PARVA: variants seen among roughly 807,000 people sequenced by gnomAD.
PARVA encodes the protein alpha-parvin.
PARVA carries 25 observed loss-of-function variants against 52.6 expected under a neutral mutation model. The ratio of observed to expected loss-of-function variants is 0.48; its 90% CI spans 0.35 to 0.66. The LOEUF (loss-of-function observed/expected upper bound fraction) is 0.66. Among genes scored for constraint, PARVA ranks in the 30% least tolerant of loss-of-function variants. The probability of loss-of-function intolerance (pLI) is 0.01; values close to 1 mark genes in which losing one functional copy is unlikely to be tolerated. For synonymous variants in PARVA, 185 were observed against 179.1 expected, an observed-to-expected ratio of 1.03 and a Z score of -0.26; for missense variants, 373 against 450.9, an observed-to-expected ratio of 0.83 and a Z score of 1.56.
chr11:12,428,937 A>AT (rs1297478484), intron 1 of PARVA, among the ~76,000 whole-genome samples: 2 of 152,210 alleles, frequency 1.3e-5, no homozygotes, highest in Non-Finnish European at 2.9e-5. Flanking sequence ...TGGTAAAAGC[A>AT]TGATGTGTAT....
At chr11:12,387,554 C>CGT (rs10642760) in intron 1 of PARVA, among the ~76,000 whole-genome samples, 115,473 of 149,148 alleles carry the variant, frequency 0.77, 46,538 homozygotes, top group East Asian at 0.91. Flanking sequence ...TATTTTTGAG[C>CGT]GTGTGTGTGT....
chr11:12,471,107 G>A (rs1940927090), intron 1 of PARVA, among the ~76,000 whole-genome samples: 2 of 152,194 alleles, frequency 1.3e-5, no homozygotes, highest in South Asian at 4.1e-4. Flanking sequence ...CGTGAACCAT[G>A]GTGTAAACAG....
At chr11:12,436,574 G>A (rs1940391555) in intron 1 of PARVA, among the ~76,000 whole-genome samples, 1 of 152,124 alleles carries the variant, frequency 6.6e-6, no homozygotes, top group Non-Finnish European at 1.5e-5. Flanking sequence ...AAAGTTAGGG[G>A]AACTAAAATT....
intron 10 of PARVA, among the ~76,000 whole-genome samples, chr11:12,515,074 C>T (rs1477564242): frequency 3.3e-5 from 5 of 152,220 alleles, no homozygotes; most frequent in African/African-American, 1.2e-4. Context: ...CCCGGGGCAT[C>T]CCAGGAGGAG....
intron 1 of PARVA, among the ~76,000 whole-genome samples, chr11:12,458,839 C>A (rs748735602): frequency 6.6e-6 from 1 of 152,168 alleles, no homozygotes; most frequent in Non-Finnish European, 1.5e-5. Context: ...GTGGGAAAGT[C>A]GCCTTGAGAC....
intron 1 of PARVA, among the ~76,000 whole-genome samples, chr11:12,469,007 C>G (rs1940894064): frequency 1.3e-5 from 2 of 152,128 alleles, no homozygotes; most frequent in Admixed American, 1.3e-4. Flanking sequence ...GCGGCTTTAC[C>G]TGGAGGCATA....
intron 6 of PARVA, among the ~76,000 whole-genome samples, chr11:12,508,236 G>A (rs1233471546): frequency 2.0e-5 from 3 of 152,024 alleles, no homozygotes; most frequent in Non-Finnish European, 4.4e-5. Context: ...CCAGCTGGAG[G>A]GCAGACACAC....
intron 9 of PARVA, 146 bp from the exon 10 acceptor site, chr11:12,513,851 A>G (rs923937463): frequency 1.0e-5 from 7 of 685,322 alleles, no homozygotes; most frequent in African/African-American, 5.4e-5. Flanking sequence ...GCCTTTGCAG[A>G]GAGAGCTCCT....
Position 12,531,465 on chromosome 11 carries a change from CA to C in PARVA, c.*3543del. ...TCTGAGACATGTATACATTGTGGTT[CA>C]AATAGGAATCATCCATAGTCCAGTG... On this transcript the variant is annotated 3_prime_UTR_variant, in exon 13 of 13. Coordinates refer to ENST00000334956, the MANE Select transcript of PARVA (RefSeq NM_018222.5). 6.6e-6 allele frequency among the ~76,000 whole-genome samples: 1 copy of C among 152,122 alleles called. No homozygotes were observed. Among genetic ancestry groups the C allele is most frequent in the South Asian group, 2.1e-4 (1 of 4,816 alleles).
intron 1 of PARVA, among the ~76,000 whole-genome samples, chr11:12,438,376 C>G (rs1032294533): frequency 6.6e-6 from 1 of 151,950 alleles, no homozygotes; most frequent in Non-Finnish European, 1.5e-5. Context: ...GTTACTTTAT[C>G]CTATGATGAG....
intron 1 of PARVA, among the ~76,000 whole-genome samples, chr11:12,426,821 G>C (rs1402288729): frequency 6.6e-6 from 1 of 152,212 alleles, no homozygotes; most frequent in Non-Finnish European, 1.5e-5. Flanking sequence ...ATAGGAGCAG[G>C]CGAAATTAGG....
At chr11:12,378,969 A>G (rs1939445787) in intron 1 of PARVA, among the ~76,000 whole-genome samples, 1 of 152,236 alleles carries the variant, frequency 6.6e-6, no homozygotes, top group South Asian at 2.1e-4. Flanking sequence ...TGGCCACTCC[A>G]TAGACAGAGC....
chr11:12,405,240 A>AT (rs1286763977), intron 1 of PARVA, among the ~76,000 whole-genome samples: 1 of 152,184 alleles, frequency 6.6e-6, no homozygotes, highest in Non-Finnish European at 1.5e-5. Context: ...TTGATGTGAG[A>AT]TGGTAAAGAA....
intron 11 of PARVA, 50 bp from the exon 12 acceptor site, chr11:12,518,394 TG>T: frequency 7.1e-7 from 1 of 1,402,970 alleles, no homozygotes; most frequent in Non-Finnish European, 1.0e-6. Flanking sequence ...GGCCAGGTCC[TG>T]GGGCTCCTGG....
At chr11:12,399,372 A>T (rs867487221) in intron 1 of PARVA, among the ~76,000 whole-genome samples, 1 of 152,302 alleles carries the variant, frequency 6.6e-6, no homozygotes, top group Middle Eastern at 3.4e-3. Flanking sequence ...GTGATGTCCT[A>T]CTGTGTGTGA....
chr11:12,493,974 C>T (rs956266309), intron 4 of PARVA, among the ~76,000 whole-genome samples: 1 of 152,186 alleles, frequency 6.6e-6, no homozygotes. Context: ...TACTTCTGAC[C>T]GACTAGCTAT....
chr11:12,522,100 A>G (rs1941644247), intron 12 of PARVA, among the ~76,000 whole-genome samples: 1 of 152,212 alleles, frequency 6.6e-6, no homozygotes, highest in Non-Finnish European at 1.5e-5. Flanking sequence ...TGACTTAGCA[A>G]TTCCATTCAT....
intron 1 of PARVA, among the ~76,000 whole-genome samples, chr11:12,440,012 T>C (rs1210594901): frequency 6.6e-6 from 1 of 152,212 alleles, no homozygotes; most frequent in Non-Finnish European, 1.5e-5. Context: ...GTAGCATGCA[T>C]GTTTCCTTGT....
intron 12 of PARVA, among the ~76,000 whole-genome samples, chr11:12,523,375 C>T (rs1010708807): frequency 1.3e-5 from 2 of 152,134 alleles, no homozygotes; most frequent in African/African-American, 2.4e-5. Flanking sequence ...GCAGGGGCCT[C>T]CCACCTTGGT....
Sources: allele counts gnomAD v4.1 joint callset (sites outside exome capture counted in the v4.1 genomes callset), GRCh38; gene constraint gnomAD v4.1.1; transcripts MANE v1.5; gene names NCBI Gene and HGNC (gene_info 2026-07-23, HGNC 2026-07-21).